CTNNA3: variants seen among roughly 807,000 people sequenced by gnomAD.
CTNNA3 encodes the protein catenin alpha 3.
A neutral mutation model predicts 95.7 loss-of-function variants in CTNNA3; 76 were observed. That is an observed-to-expected ratio of 0.79 (90% CI 0.66 to 0.96). The LOEUF (loss-of-function observed/expected upper bound fraction) is 0.96. Among genes scored for constraint, CTNNA3 ranks in the 40% least tolerant of loss-of-function variants. CTNNA3 has a pLI of 0.00. For synonymous variants in CTNNA3, 431 were observed against 374.4 expected (o/e 1.15, Z -1.74); for missense variants, 1,191 against 1,089.8 (o/e 1.09, Z -1.31).
At chr10:66,681,654 T>C (rs4447056) in intron 9 of CTNNA3, among the ~76,000 whole-genome samples, 84,228 of 151,994 alleles carry the variant, frequency 0.55, 24,093 homozygotes, top group African/African-American at 0.68. Context: ...AATAAGGATA[T>C]GATGTACTAT....
chr10:65,960,822 G>C (rs2133239055), intron 17 of CTNNA3, among the ~76,000 whole-genome samples: 1 of 152,294 alleles, frequency 6.6e-6, no homozygotes, highest in African/African-American at 2.4e-5. Flanking sequence ...GTCTCCAGCT[G>C]CATTCATGTG....
intron 3 of CTNNA3, among the ~76,000 whole-genome samples, chr10:67,560,242 G>C (rs142214072): frequency 6.7e-6 from 1 of 150,050 alleles, no homozygotes; most frequent in Non-Finnish European, 1.5e-5. Context: ...AGAGAGAAAG[G>C]TCGGGTTACC....
chr10:66,130,053 G>T (rs2083014417), intron 13 of CTNNA3, among the ~76,000 whole-genome samples: 1 of 152,086 alleles, frequency 6.6e-6, no homozygotes, highest in Non-Finnish European at 1.5e-5. Flanking sequence ...CTGCCCCTGT[G>T]CCAACACTGC....
intron 6 of CTNNA3, among the ~76,000 whole-genome samples, chr10:67,187,082 T>G (rs1862888340): frequency 2.6e-5 from 4 of 152,152 alleles, no homozygotes. Flanking sequence ...CTTATTTTTC[T>G]TCCTACCACT....
chr10:66,861,174 C>A (rs1843907494), intron 7 of CTNNA3, among the ~76,000 whole-genome samples: 1 of 152,152 alleles, frequency 6.6e-6, no homozygotes, highest in Non-Finnish European at 1.5e-5. Flanking sequence ...AGTCACTGCC[C>A]TAAAAGAACT....
intron 11 of CTNNA3, among the ~76,000 whole-genome samples, chr10:66,417,349 T>C (rs1193462747): frequency 1.3e-5 from 2 of 151,902 alleles, no homozygotes; most frequent in Non-Finnish European, 1.5e-5. Flanking sequence ...TAAATATATA[T>C]GCACCCAAAA....
At chr10:67,474,760 T>C (rs1847941581) in intron 5 of CTNNA3, among the ~76,000 whole-genome samples, 1 of 152,202 alleles carries the variant, frequency 6.6e-6, no homozygotes, top group Non-Finnish European at 1.5e-5. Context: ...AAACATTTTT[T>C]AAAAGTCTTA....
At chr10:67,750,192 G>A (rs1841398125) in intron 1 of CTNNA3, 1 of 1,303,204 alleles carries the variant, frequency 7.7e-7, no homozygotes, top group African/African-American at 1.5e-5. Flanking sequence ...CTTGAAGTCA[G>A]TGAGACCAAG....
intron 13 of CTNNA3, among the ~76,000 whole-genome samples, chr10:66,216,129 G>C (rs1180925029): frequency 6.6e-6 from 1 of 152,224 alleles, no homozygotes; most frequent in Non-Finnish European, 1.5e-5. Context: ...TGTTGTTAGG[G>C]TAAATCCTGC....
Position 66,352,225 on chromosome 10 carries a change from TCAAA to T in CTNNA3, c.1732+26923_1732+26926del, listed in dbSNP as rs536936795. The stretch of plus-strand genomic sequence containing the variant: ...AGGCCCCAGCAGTCAGACTGAAGAC[TCAAA>T]CATACATGGGCTCTTTGGGGCTACC... On this transcript the variant is annotated intron_variant, in intron 12 of 17. Transcript: ENST00000433211. 7.2e-5 allele frequency among the ~76,000 whole-genome samples: 11 copies of T among 152,206 alleles called. 1 individual carries two copies. In the South Asian group the frequency reaches 2.1e-3, roughly 29 times the overall value.
chr10:67,342,557 GT>G (rs1174679993), intron 5 of CTNNA3, among the ~76,000 whole-genome samples: 7 of 152,118 alleles, frequency 4.6e-5, no homozygotes, highest in African/African-American at 1.7e-4. Flanking sequence ...TTCTGTAGTA[GT>G]TTCATAGTTT....
chr10:67,001,257 A>C (rs189658375), intron 7 of CTNNA3, among the ~76,000 whole-genome samples: 2,640 of 149,588 alleles, frequency 0.018, 82 homozygotes, highest in African/African-American at 0.061. Context: ...GCCGAGATGG[A>C]GCCACTGCAC....
At chr10:66,820,362 G>GT (rs534241469) in intron 7 of CTNNA3, among the ~76,000 whole-genome samples, 17 of 150,848 alleles carry the variant, frequency 1.1e-4, no homozygotes, top group South Asian at 4.2e-4. Flanking sequence ...CGATTAAAGG[G>GT]TTTTTTTTTG....
Position 66,021,852 on chromosome 10 carries a change from C to CTTTTTTTTTTTTTTTTTTTTTT in CTNNA3, c.2160-33056_2160-33055insAAAAAAAAAAAAAAAAAAAAAA. On this transcript the variant is annotated intron_variant, in intron 15 of 17. Coordinates refer to ENST00000433211, the MANE Select transcript of CTNNA3 (RefSeq NM_013266.4). ...GGAAATTCCATATACAGGATCTTGGCTTTTTTTTTTTTTTTTAGATAGATA... is the reference window on the plus strand; with the variant it reads ...GGAAATTCCATATACAGGATCTTGGCTTTTTTTTTTTTTTTTTTTTTTTTTTTTTTTTTTTTTTAGATAGATA... Among the ~76,000 whole-genome samples the CTTTTTTTTTTTTTTTTTTTTTT allele has an allele frequency of 4.8e-3, 367 of 75,892 alleles. 92 individuals carry two copies. The highest frequency in any genetic ancestry group is 0.016 in the South Asian group (26 of 1,612). The allele number at this position is 75,892 out of a possible 152,430, so 49.8% of individuals were successfully genotyped here.
intron 12 of CTNNA3, among the ~76,000 whole-genome samples, chr10:66,346,858 G>A (rs1171855345): frequency 1.3e-5 from 2 of 151,980 alleles, no homozygotes; most frequent in Non-Finnish European, 2.9e-5. Flanking sequence ...AAGACATTGG[G>A]CATCTAGACT....
chr10:66,262,105 A>T (rs2091021394), intron 13 of CTNNA3, among the ~76,000 whole-genome samples: 1 of 152,044 alleles, frequency 6.6e-6, no homozygotes, highest in South Asian at 2.1e-4. Context: ...CATCAAAAGT[A>T]CACTGAATTT....
At position 67,677,364 on chromosome 10, in the gene CTNNA3, C is replaced by T. The variant is rs538179180; in HGVS notation, c.-6+18636G>A. Reference sequence around the variant, plus strand: ...TATTTGGGACATACTTACACACGCACGCATGCACACACACATATGTGCTGT... The same window carrying T: ...TATTTGGGACATACTTACACACGCATGCATGCACACACACATATGTGCTGT... On this transcript the variant is annotated intron_variant, in intron 1 of 17. Coordinates refer to ENST00000433211, the MANE Select transcript of CTNNA3 (RefSeq NM_013266.4). Among the ~76,000 whole-genome samples, 6 of 152,200 alleles carry T rather than the reference C, an allele frequency of 3.9e-5. No individual in the cohort carries two copies. The South Asian group carries it at 1.0e-3, about 26-fold the overall frequency.
intron 16 of CTNNA3, among the ~76,000 whole-genome samples, chr10:65,987,553 G>C (rs1254332006): frequency 6.6e-6 from 1 of 151,948 alleles, no homozygotes; most frequent in Non-Finnish European, 1.5e-5. Flanking sequence ...TAGAGAAAAG[G>C]GGACTCATAC....
intron 17 of CTNNA3, among the ~76,000 whole-genome samples, chr10:65,959,900 C>T (rs991686231): frequency 1.3e-5 from 2 of 152,146 alleles, no homozygotes; most frequent in African/African-American, 2.4e-5. Flanking sequence ...CATCAGGTTC[C>T]AAGATCCAGA....
Sources: allele counts gnomAD v4.1 joint callset (sites outside exome capture counted in the v4.1 genomes callset), GRCh38; gene constraint gnomAD v4.1.1; transcripts MANE v1.5; gene names NCBI Gene and HGNC (gene_info 2026-07-23, HGNC 2026-07-21).